FYN: variants seen among roughly 807,000 people sequenced by gnomAD.
FYN encodes tyrosine-protein kinase Fyn.
Under a neutral mutation model 70.2 loss-of-function variants are expected in FYN, and 10 were observed. That is an observed-to-expected ratio of 0.14 (90% CI 0.09 to 0.24). FYN has a LOEUF of 0.24. FYN is among the 10% of genes least tolerant of loss of function. FYN has a pLI of 1.00. For missense variants in FYN, 319 were observed against 673.1 expected (o/e 0.47, Z 5.82); for synonymous variants, 236 against 248.6 (o/e 0.95, Z 0.48).
At chr6:111,712,812 C>A (rs1800448046) in intron 5 of FYN, among the ~76,000 whole-genome samples, 1 of 152,148 alleles carries the variant, frequency 6.6e-6, no homozygotes, top group Non-Finnish European at 1.5e-5. Context: ...TGGCTGGTGG[C>A]CACACAGGCA....
chr6:111,868,859 A>C (rs773985268), intron 1 of FYN, among the ~76,000 whole-genome samples: 1 of 152,230 alleles, frequency 6.6e-6, no homozygotes, highest in Non-Finnish European at 1.5e-5. Context: ...TTAAGATCGG[A>C]GCTTAAACAG....
chr6:111,775,259 C>G (rs1053252024), intron 3 of FYN, among the ~76,000 whole-genome samples: 4 of 152,176 alleles, frequency 2.6e-5, no homozygotes, highest in Non-Finnish European at 5.9e-5. Flanking sequence ...ATAAAAACTA[C>G]AGCATAGTGT....
In FYN at chr6:111,694,746, A is replaced by G. The variant is rs897080714; in HGVS notation, c.1043-42T>C. On this transcript the variant is annotated intron_variant, in intron 10 of 13. Coordinates refer to ENST00000354650, the MANE Select transcript of FYN (RefSeq NM_002037.5). This position sits in a 1 kb window ranked among gnomAD's most constrained non-coding sequence, Gnocchi z 5.0. The stretch of plus-strand genomic sequence containing the variant: ...AAATCATTTCAATTTACTTTGAAAG[A>G]TAATTCCCAACAGAGAGCTGTATTT... 1 of 1,521,782 alleles carries G rather than the reference A, an allele frequency of 6.6e-7. No individual in the cohort carries two copies. The highest frequency in any genetic ancestry group is 9.1e-7 in the Non-Finnish European group (1 of 1,102,418). The allele number at this position is 1,521,782 out of a possible 1,614,324, so 94.3% of individuals were successfully genotyped here. A position where few individuals can be genotyped will look rare whatever the true frequency, so the allele number is the denominator to read the frequency against.
At chr6:111,801,758 T>C (rs983801017) in intron 2 of FYN, among the ~76,000 whole-genome samples, 6 of 152,228 alleles carry the variant, frequency 3.9e-5, no homozygotes, top group Non-Finnish European at 5.9e-5. Flanking sequence ...CTCACTTCCA[T>C]TGGTATTAGA....
chr6:111,666,337 C>T (rs1798005717), intron 13 of FYN, among the ~76,000 whole-genome samples: 1 of 152,104 alleles, frequency 6.6e-6, no homozygotes, highest in Admixed American at 6.5e-5. Flanking sequence ...GAGCCACGTT[C>T]GAGCAGTATG....
At chr6:111,838,241 C>T (rs943873253) in intron 2 of FYN, among the ~76,000 whole-genome samples, 2 of 152,186 alleles carry the variant, frequency 1.3e-5, no homozygotes, top group African/African-American at 4.8e-5. Flanking sequence ...TTTAAACCTA[C>T]TAACATCAAT....
intron 3 of FYN, among the ~76,000 whole-genome samples, chr6:111,725,350 A>C (rs1372399198): frequency 6.6e-6 from 1 of 152,198 alleles, no homozygotes; most frequent in Non-Finnish European, 1.5e-5. Flanking sequence ...AAATTTCCTA[A>C]TTTCCCAGCA....
intron 9 of FYN, among the ~76,000 whole-genome samples, chr6:111,697,420 G>T (rs1799621773): frequency 6.6e-6 from 1 of 152,030 alleles, no homozygotes; most frequent in African/African-American, 2.4e-5. Context: ...AAAGAAGACT[G>T]GTTTAAATTA....
intron 2 of FYN, among the ~76,000 whole-genome samples, chr6:111,832,764 A>G (rs1220147472): frequency 6.6e-6 from 1 of 152,160 alleles, no homozygotes; most frequent in African/African-American, 2.4e-5. Flanking sequence ...TCAAATATGT[A>G]CTGTCACCAT....
rs200663473 is a variant in FYN, at chr6:111,793,040, T to TA, written c.-81-12406dup. ...TTCTGCATGAATGCTACATTTCAAT[T>TA]AAAAAAAAATCATCTCAGGGCGAAC... On this transcript the variant is annotated intron_variant, in intron 2 of 13. Coordinates refer to ENST00000354650, the MANE Select transcript of FYN (RefSeq NM_002037.5). Among the ~76,000 whole-genome samples the TA allele has an allele frequency of 2.1e-3, 319 of 151,652 alleles. 1 individual carries two copies. The highest frequency in any genetic ancestry group is 3.8e-3 in the Non-Finnish European group (255 of 67,830).
At chr6:111,854,003 T>G (rs963812693) in intron 1 of FYN, among the ~76,000 whole-genome samples, 15 of 152,224 alleles carry the variant, frequency 9.9e-5, no homozygotes, top group African/African-American at 3.4e-4. Flanking sequence ...CTACCCAGGT[T>G]GACAGTGTCC....
At chr6:111,665,249 C>T (rs139106288) in intron 13 of FYN, among the ~76,000 whole-genome samples, 2 of 152,212 alleles carry the variant, frequency 1.3e-5, no homozygotes, top group African/African-American at 4.8e-5. Context: ...GATTTTGGTG[C>T]ATTTTGAATT....
intron 2 of FYN, among the ~76,000 whole-genome samples, chr6:111,837,933 C>T (rs767652201): frequency 6.6e-6 from 1 of 152,188 alleles, no homozygotes; most frequent in African/African-American, 2.4e-5. Flanking sequence ...ATCCACGCAG[C>T]ATCTCACTTT....
chr6:111,663,235 T>C (rs569588071), intron 13 of FYN, among the ~76,000 whole-genome samples: 1 of 152,380 alleles, frequency 6.6e-6, no homozygotes, highest in African/African-American at 2.4e-5. Flanking sequence ...AAGAACCCGA[T>C]GTCAAGCCAT....
At chr6:111,724,202 C>T (rs1182097075) in intron 3 of FYN, among the ~76,000 whole-genome samples, 7 of 152,168 alleles carry the variant, frequency 4.6e-5, no homozygotes, top group African/African-American at 1.2e-4. Context: ...CAAGGAACGC[C>T]GCACCCTGCT....
chr6:111,843,375 A>C (rs1773422549), intron 2 of FYN, among the ~76,000 whole-genome samples: 1 of 152,218 alleles, frequency 6.6e-6, no homozygotes, highest in Non-Finnish European at 1.5e-5. Context: ...CATATTTTTC[A>C]ATTTTTAAAT....
chr6:111,739,942 G>A (rs537289435), intron 3 of FYN, among the ~76,000 whole-genome samples: 3 of 152,242 alleles, frequency 2.0e-5, no homozygotes, highest in Non-Finnish European at 4.4e-5. Context: ...TCCTGCCTCA[G>A]CCTCCCCAGT....
At chr6:111,810,755 G>A (rs953511835) in intron 2 of FYN, among the ~76,000 whole-genome samples, 8 of 152,162 alleles carry the variant, frequency 5.3e-5, no homozygotes, top group African/African-American at 1.9e-4. Flanking sequence ...CCCTGTGGGT[G>A]GAGCAGAAAT....
intron 3 of FYN, among the ~76,000 whole-genome samples, chr6:111,732,785 T>C (rs536291707): frequency 6.6e-6 from 1 of 152,200 alleles, no homozygotes; most frequent in Admixed American, 6.5e-5. Context: ...GTGGTGCTGG[T>C]GAACTGGCTT....
Sources: gnomAD v4.1 joint callset for allele counts (sites outside exome capture counted in the v4.1 genomes callset) on GRCh38, gnomAD v4.1.1 for gene constraint, Gnocchi (gnomAD v3.1) non-coding constraint, MANE v1.5 for transcripts, NCBI Gene and HGNC (gene_info 2026-07-23, HGNC 2026-07-21) for gene names.